Variants in PTPRA observed in about 807,000 individuals in gnomAD.
PTPRA encodes the protein receptor-type tyrosine-protein phosphatase alpha.
Under a neutral mutation model 104.8 loss-of-function variants are expected in PTPRA, and 25 were observed. The ratio of observed to expected loss-of-function variants is 0.24; its 90% CI spans 0.17 to 0.33. PTPRA has a LOEUF of 0.33. Ranked by LOEUF, PTPRA falls within the 10% of genes least tolerant of loss-of-function variation. The pLI is 1.00. For synonymous variants in PTPRA, 323 were observed against 368.9 expected (o/e 0.88, Z 1.43); for missense variants, 765 against 1,015.3 (o/e 0.75, Z 3.35).
At chr20:2,914,628 C>T (rs2059834782) in intron 1 of PTPRA, among the ~76,000 whole-genome samples, 1 of 152,074 alleles carries the variant, frequency 6.6e-6, no homozygotes, top group Non-Finnish European at 1.5e-5. Flanking sequence ...ATTGATCAAT[C>T]CCCTTGAATG....
At chr20:3,019,398 G>A (rs1430052435) in intron 13 of PTPRA, among the ~76,000 whole-genome samples, 3 of 150,580 alleles carry the variant, frequency 2.0e-5, no homozygotes, top group East Asian at 2.0e-4. Context: ...CTTCTCAGAC[G>A]GGGCGGTTGC....
At chr20:2,935,973 C>G (rs1258797608) in intron 2 of PTPRA, among the ~76,000 whole-genome samples, 2 of 151,490 alleles carry the variant, frequency 1.3e-5, no homozygotes, top group Non-Finnish European at 2.9e-5. Context: ...AAGCCAAGAT[C>G]TCGCCATTGC....
chr20:2,865,406 T>C, the PTPRA span: 9,163 of 1,614,100 alleles, frequency 5.7e-3, 80 homozygotes, highest in Middle Eastern at 0.027. This position sits in a 1 kb window ranked among gnomAD's most constrained non-coding sequence, Gnocchi z 5.2. Context: ...CAGGCTCTGG[T>C]GGCTGAAGCT....
At chr20:2,960,780 G>T (rs1194601226) in intron 3 of PTPRA, among the ~76,000 whole-genome samples, 1 of 151,012 alleles carries the variant, frequency 6.6e-6, no homozygotes, top group Admixed American at 6.6e-5. Flanking sequence ...CAAGCAATTT[G>T]CCTGCCTTGG....
chr20:2,922,550 G>T (rs2060134032), intron 1 of PTPRA, among the ~76,000 whole-genome samples: 1 of 152,184 alleles, frequency 6.6e-6, no homozygotes, highest in African/African-American at 2.4e-5. Flanking sequence ...ATGTTGGCCA[G>T]GCTGGTCTCG....
chr20:2,868,291 G>A, the PTPRA span, among the ~76,000 whole-genome samples: 1 of 151,056 alleles, frequency 6.6e-6, no homozygotes, highest in African/African-American at 2.4e-5. Flanking sequence ...CCAATTTCAA[G>A]GGGAAATAGA....
intron 13 of PTPRA, among the ~76,000 whole-genome samples, chr20:3,019,549 A>G (rs1487958530): frequency 6.7e-6 from 1 of 149,196 alleles, no homozygotes; most frequent in Non-Finnish European, 1.5e-5. Context: ...CACTTCCTAG[A>G]TGGGATGGCG....
intron 3 of PTPRA, among the ~76,000 whole-genome samples, chr20:2,953,856 G>C (rs2061439054): frequency 6.6e-6 from 1 of 151,334 alleles, no homozygotes; most frequent in Non-Finnish European, 1.5e-5. Context: ...CTCCCAAAGT[G>C]TTGGGATTAC....
chr20:2,875,581 A>G lies in PTPRA; in HGVS notation c.-129+1821A>G, dbSNP rs116815185. Among the ~76,000 whole-genome samples, 545 of 152,338 alleles carry G rather than the reference A, an allele frequency of 3.6e-3. 5 individuals carry two copies. Among genetic ancestry groups the G allele is most frequent in the African/African-American group, 0.013 (533 of 41,568 alleles). ...CTTTGAGGAACTCAGAGTCTAATGT[A>G]GGACAGGTGGATATAAATACATCAC... On this transcript the variant is annotated intron_variant, in intron 1 of 23. Transcript: ENST00000399903.
At chr20:3,019,636 G>A (rs2064739526) in intron 13 of PTPRA, among the ~76,000 whole-genome samples, 1 of 152,028 alleles carries the variant, frequency 6.6e-6, no homozygotes, top group Non-Finnish European at 1.5e-5. Flanking sequence ...ACGATGGGCG[G>A]CCGGGCAGAG....
intron 9 of PTPRA, among the ~76,000 whole-genome samples, chr20:2,993,600 G>C (rs919861651): frequency 2.6e-5 from 4 of 152,190 alleles, no homozygotes; most frequent in Admixed American, 2.6e-4. Flanking sequence ...TAGGTACCAG[G>C]AGTTATATGT....
intron 1 of PTPRA, among the ~76,000 whole-genome samples, chr20:2,909,507 A>G (rs1256648138): frequency 2.0e-5 from 3 of 151,442 alleles, no homozygotes; most frequent in East Asian, 1.9e-4. Flanking sequence ...GCTTCAACCC[A>G]GGAGGCGGAG....
At chr20:2,922,190 C>G (rs1181972420) in intron 1 of PTPRA, among the ~76,000 whole-genome samples, 1 of 152,138 alleles carries the variant, frequency 6.6e-6, no homozygotes, top group African/African-American at 2.4e-5. Context: ...CTGGAAAGAC[C>G]TATGAGCTAT....
intron 1 of PTPRA, among the ~76,000 whole-genome samples, chr20:2,908,553 A>G (rs2059510384): frequency 6.6e-6 from 1 of 152,114 alleles, no homozygotes; most frequent in Non-Finnish European, 1.5e-5. Flanking sequence ...ATGCTTCCCT[A>G]TCTTGTCTTG....
chr20:2,879,634 A>G (rs541416213), intron 1 of PTPRA, among the ~76,000 whole-genome samples: 3 of 152,216 alleles, frequency 2.0e-5, no homozygotes, highest in Non-Finnish European at 4.4e-5. Flanking sequence ...AGTCATGCAC[A>G]GTATAACGAT....
At chr20:2,958,416 A>G (rs1249346754) in intron 3 of PTPRA, among the ~76,000 whole-genome samples, 1 of 152,072 alleles carries the variant, frequency 6.6e-6, no homozygotes. Flanking sequence ...GTCATCCATG[A>G]GGATATTGAA....
chr20:3,000,149 G>A (rs1344216816), intron 9 of PTPRA, among the ~76,000 whole-genome samples: 4 of 152,082 alleles, frequency 2.6e-5, no homozygotes, highest in Admixed American at 2.0e-4. Context: ...TTAGCCAGGT[G>A]TGGTGGCGGG....
intron 16 of PTPRA, among the ~76,000 whole-genome samples, chr20:3,024,012 T>A (rs889365087): frequency 6.6e-6 from 1 of 152,118 alleles, no homozygotes; most frequent in Admixed American, 6.5e-5. Context: ...CTTCAAAGAT[T>A]AGGGAACAGG....
intron 9 of PTPRA, among the ~76,000 whole-genome samples, chr20:2,989,841 C>A (rs1002944270): frequency 4.6e-5 from 7 of 152,064 alleles, no homozygotes; most frequent in African/African-American, 1.4e-4. Flanking sequence ...CACAGTGAAA[C>A]CCTGTCTCTA....
Sources: gnomAD v4.1 joint callset for allele counts (sites outside exome capture counted in the v4.1 genomes callset) on GRCh38, gnomAD v4.1.1 for gene constraint, Gnocchi (gnomAD v3.1) non-coding constraint, MANE v1.5 for transcripts, NCBI Gene and HGNC (gene_info 2026-07-23, HGNC 2026-07-21) for gene names.